The following FSTL4 variants were observed in gnomAD, a reference collection of about 807,000 sequenced individuals.
The protein encoded by FSTL4 is follistatin-related protein 4.
FSTL4 carries 28 observed loss-of-function variants against 78.2 expected under a neutral mutation model. That is an observed-to-expected ratio of 0.36 (90% CI 0.27 to 0.49). FSTL4 has a LOEUF of 0.49. FSTL4 is among the 20% of genes least tolerant of loss of function. The pLI, the probability that FSTL4 is intolerant of heterozygous loss-of-function variation, is 0.98. For synonymous variants in FSTL4, 422 were observed against 440.5 expected (o/e 0.96, Z 0.53); for missense variants, 922 against 1,084.9 (o/e 0.85, Z 2.11).
the FSTL4 span, among the ~76,000 whole-genome samples, chr5:133,693,352 T>G: frequency 6.6e-5 from 10 of 152,330 alleles, no homozygotes; most frequent in African/African-American, 2.4e-4. Context: ...ATCATCACAC[T>G]TTATTACAAG....
rs180797619 is a variant in FSTL4 at position 133,438,272 on chromosome 5, T to C, written c.161-37286A>G. Reference sequence around the variant, plus strand: ...TCTTTTGTCCTTGAAACATTCCAAATACTGCTCCATTATCTTCTGGCATTC... The same window carrying C: ...TCTTTTGTCCTTGAAACATTCCAAACACTGCTCCATTATCTTCTGGCATTC... On this transcript the variant is annotated intron_variant, in intron 3 of 15. Coordinates refer to ENST00000265342, the MANE Select transcript of FSTL4 (RefSeq NM_015082.2). 2.3e-3 allele frequency among the ~76,000 whole-genome samples: 349 copies of C among 152,368 alleles called. 1 individual carries two copies. The highest frequency in any genetic ancestry group is 8.2e-3 in the African/African-American group (342 of 41,580).
At chr5:133,491,300 T>C (rs1758261864) in intron 3 of FSTL4, among the ~76,000 whole-genome samples, 2 of 152,216 alleles carry the variant, frequency 1.3e-5, no homozygotes, top group South Asian at 2.1e-4. Flanking sequence ...TTATTATGTG[T>C]TCCCAGTGAA....
At chr5:133,776,874 C>A in the FSTL4 span, among the ~76,000 whole-genome samples, 1 of 152,124 alleles carries the variant, frequency 6.6e-6, no homozygotes, top group East Asian at 1.9e-4. Context: ...ACAGAGGAGG[C>A]CTGTATGTCC....
chr5:133,528,827 A>T (rs1759190225), intron 3 of FSTL4, among the ~76,000 whole-genome samples: 1 of 152,228 alleles, frequency 6.6e-6, no homozygotes, highest in Non-Finnish European at 1.5e-5. Flanking sequence ...TTTTAGAAAT[A>T]AACAAATTGA....
the FSTL4 span, among the ~76,000 whole-genome samples, chr5:133,757,058 C>T: frequency 4.1e-3 from 627 of 152,282 alleles, 6 homozygotes; most frequent in African/African-American, 0.014. Flanking sequence ...CTGGGCAATT[C>T]GCCCCCAGAG....
chr5:133,745,876 C>T, the FSTL4 span, among the ~76,000 whole-genome samples: 9 of 152,338 alleles, frequency 5.9e-5, no homozygotes, highest in Middle Eastern at 3.4e-3. Flanking sequence ...TTTGCTTTTG[C>T]GTCCCCCTCA....
chr5:133,750,547 G>A, the FSTL4 span, among the ~76,000 whole-genome samples: 6 of 152,236 alleles, frequency 3.9e-5, no homozygotes, highest in East Asian at 5.8e-4. Flanking sequence ...GAGGGCAGAC[G>A]TGCCTCTGAA....
the FSTL4 span, among the ~76,000 whole-genome samples, chr5:133,728,632 TGC>T: frequency 6.6e-6 from 1 of 152,230 alleles, no homozygotes; most frequent in Non-Finnish European, 1.5e-5. Flanking sequence ...GGAATCAGCC[TGC>T]ATGAAATATG....
rs181660309 is a variant in FSTL4 at position 133,495,011 on chromosome 5, C to T, written c.160+72175G>A. ...CTCCATTCTGAGGCAGAAAAGCAAA[C>T]ATATCCATGTTGAATCAACAAAGCG... On this transcript the variant is annotated intron_variant, in intron 3 of 15. Coordinates refer to ENST00000265342, the MANE Select transcript of FSTL4 (RefSeq NM_015082.2). 3.3e-5 allele frequency among the ~76,000 whole-genome samples: 5 copies of T among 152,358 alleles called. No individual in the cohort carries two copies. The East Asian group carries it at 9.6e-4, about 29-fold the overall frequency.
the FSTL4 span, among the ~76,000 whole-genome samples, chr5:133,772,520 G>A: frequency 4.6e-5 from 7 of 152,100 alleles, no homozygotes; most frequent in Middle Eastern, 3.2e-3. Flanking sequence ...TACCACCAAC[G>A]GAGTAATTTA....
chr5:133,750,822 G>A, the FSTL4 span, among the ~76,000 whole-genome samples: 1 of 152,032 alleles, frequency 6.6e-6, no homozygotes, highest in Non-Finnish European at 1.5e-5. Flanking sequence ...CTGCAGGGCT[G>A]GGGCACAAAA....
chr5:133,666,970 A>C, the FSTL4 span, among the ~76,000 whole-genome samples: 1 of 152,172 alleles, frequency 6.6e-6, no homozygotes, highest in African/African-American at 2.4e-5. Flanking sequence ...ATGATCCCCA[A>C]ATTTCTATTT....
intron 6 of FSTL4, among the ~76,000 whole-genome samples, chr5:133,277,585 G>T (rs994151471): frequency 5.3e-5 from 8 of 152,272 alleles, no homozygotes; most frequent in African/African-American, 1.9e-4. Context: ...ACAGAGGAAA[G>T]AATGTATTGC....
intron 4 of FSTL4, among the ~76,000 whole-genome samples, chr5:133,366,536 T>C (rs957772844): frequency 6.6e-6 from 1 of 152,092 alleles, no homozygotes; most frequent in Non-Finnish European, 1.5e-5. Context: ...CAATTTATTT[T>C]TTTAAAAATC....
chr5:133,261,933 C>T (rs571111881), intron 6 of FSTL4, among the ~76,000 whole-genome samples: 1 of 151,012 alleles, frequency 6.6e-6, no homozygotes, highest in Non-Finnish European at 1.5e-5. Context: ...CGGAGGTTGT[C>T]GTGAGCTGAG....
the FSTL4 span, among the ~76,000 whole-genome samples, chr5:133,633,802 T>G: frequency 6.6e-6 from 1 of 152,134 alleles, no homozygotes; most frequent in South Asian, 2.1e-4. Context: ...GTGTCATCTG[T>G]TACTCCCCAG....
At chr5:133,631,990 G>A in the FSTL4 span, among the ~76,000 whole-genome samples, 1 of 151,928 alleles carries the variant, frequency 6.6e-6, no homozygotes, top group Non-Finnish European at 1.5e-5. Context: ...ACACACCGGG[G>A]TCTGTTGTGG....
At chr5:133,518,089 G>A (rs140534695) in intron 3 of FSTL4, among the ~76,000 whole-genome samples, 335 of 152,224 alleles carry the variant, frequency 2.2e-3, no homozygotes, top group Middle Eastern at 0.01. Context: ...ATGCCAAATT[G>A]GAAAGCACTT....
intron 2 of FSTL4, among the ~76,000 whole-genome samples, chr5:133,595,710 G>T (rs2112971574): frequency 6.6e-6 from 1 of 152,328 alleles, no homozygotes; most frequent in South Asian, 2.1e-4. Flanking sequence ...AGCTCTGTCT[G>T]TTGTGTTCTG....
Sources: gnomAD v4.1 joint callset for allele counts (sites outside exome capture counted in the v4.1 genomes callset) on GRCh38, gnomAD v4.1.1 for gene constraint, MANE v1.5 for transcripts, NCBI Gene and HGNC (gene_info 2026-07-23, HGNC 2026-07-21) for gene names.